Variants in GCNT1 observed in about 807,000 individuals in gnomAD.
The protein encoded by GCNT1 is beta-1,3-galactosyl-O-glycosyl-glycoprotein beta-1,6-N-acetylglucosaminyltransferase.
Under a neutral mutation model 26.2 loss-of-function variants are expected in GCNT1, and 16 were observed. The ratio of observed to expected loss-of-function variants is 0.61; its 90% CI spans 0.41 to 0.93. The LOEUF is 0.93. Among genes scored for constraint, GCNT1 ranks in the 40% least tolerant of loss-of-function variants. GCNT1 has a pLI of 0.00. For missense variants in GCNT1, 477 were observed against 526.7 expected, an observed-to-expected ratio of 0.91 and a Z score of 0.92; for synonymous variants, 183 against 190.8, an observed-to-expected ratio of 0.96 and a Z score of 0.34.
In GCNT1 at chr9:76,443,420, G is replaced by A. The variant is rs1293207575; in HGVS notation, c.-290+1105G>A. ...ACTAAAAGTATCCCTTATGGGAAAC[G>A]AAGGGATGGGCCGAATTAAAGGAAT... On this transcript the variant is annotated intron_variant, in intron 1 of 2. Transcript: ENST00000442371. Among the ~76,000 whole-genome samples the A allele has an allele frequency of 9.2e-5, 14 of 152,312 alleles. No individual in the cohort carries two copies. In the East Asian group the frequency reaches 1.9e-3, roughly 21 times the overall value.
At position 76,503,702 on chromosome 9, in the gene GCNT1, A is replaced by T; in HGVS notation, c.*34A>T. The T allele has an allele frequency of 6.6e-7, 1 of 1,520,782 alleles. No homozygotes were observed. The highest frequency in any genetic ancestry group is 1.1e-5 in the South Asian group (1 of 88,934). The allele number at this position is 1,520,782 out of a possible 1,614,324, so 94.2% of individuals were successfully genotyped here. ...GGCAATTTTATGAACAAGAAGAAGG[A>T]TACACAAAACGTACCCTTATCTGTT... On this transcript the variant is annotated 3_prime_UTR_variant, in exon 4 of 4. Coordinates refer to ENST00000376730, the MANE Select transcript of GCNT1 (RefSeq NM_001490.5).
At chr9:76,483,308 A>C (rs1420391396) in intron 2 of GCNT1, among the ~76,000 whole-genome samples, 1 of 152,056 alleles carries the variant, frequency 6.6e-6, no homozygotes, top group Non-Finnish European at 1.5e-5. Flanking sequence ...CTTTTTACAG[A>C]TTTCTTTAGG....
chr9:76,404,214 A>G, the GCNT1 span, among the ~76,000 whole-genome samples: 2 of 152,224 alleles, frequency 1.3e-5, no homozygotes, highest in Admixed American at 6.5e-5. Context: ...TTTGTCTTCA[A>G]AATTACTGGT....
At chr9:76,426,699 C>T (rs1823262418) in intron 1 of GCNT1, among the ~76,000 whole-genome samples, 1 of 152,132 alleles carries the variant, frequency 6.6e-6, no homozygotes, top group Middle Eastern at 3.2e-3. Flanking sequence ...AGTTTGAGAC[C>T]AGCCTGGCCA....
rs570032020 is a variant in GCNT1, at chr9:76,445,024, C to G, written c.-290+2709C>G. ...CCACCATACTTCAAATATTTACTATCTGGCCCTTTCCAGAAAAGGAAAGCT... is the reference window on the plus strand; with the variant it reads ...CCACCATACTTCAAATATTTACTATGTGGCCCTTTCCAGAAAAGGAAAGCT... On this transcript the variant is annotated intron_variant, in intron 1 of 2. Transcript: ENST00000442371. 2.0e-5 allele frequency among the ~76,000 whole-genome samples: 3 copies of G among 152,328 alleles called. No individual in the cohort carries two copies. In the South Asian group the frequency reaches 6.2e-4, roughly 32 times the overall value.
At chr9:76,489,237 G>A (rs1824663738) in intron 2 of GCNT1, among the ~76,000 whole-genome samples, 1 of 152,190 alleles carries the variant, frequency 6.6e-6, no homozygotes, top group African/African-American at 2.4e-5. Flanking sequence ...TGCCTTGATG[G>A]TGACATAGTA....
At chr9:76,477,332 C>A (rs1338302939) in intron 2 of GCNT1, among the ~76,000 whole-genome samples, 3 of 151,786 alleles carry the variant, frequency 2.0e-5, no homozygotes, top group Non-Finnish European at 2.9e-5. Flanking sequence ...TTGAGACCAG[C>A]CTTGCCAACA....
chr9:76,403,591 C>T, the GCNT1 span, among the ~76,000 whole-genome samples: 2 of 152,190 alleles, frequency 1.3e-5, no homozygotes, highest in Non-Finnish European at 2.9e-5. Flanking sequence ...AGGCCCTGTG[C>T]TAGACACGGG....
At chr9:76,437,938 C>A (rs186700711), upstream of GCNT1, among the ~76,000 whole-genome samples, 1 of 152,340 alleles carries the variant, frequency 6.6e-6, no homozygotes, top group Non-Finnish European at 1.5e-5. Flanking sequence ...TTGATTGTAT[C>A]TATTTTCCTT....
chr9:76,417,649 G>A (rs1587401329), upstream of GCNT1, among the ~76,000 whole-genome samples: 2 of 152,288 alleles, frequency 1.3e-5, no homozygotes, highest in Admixed American at 6.5e-5. Context: ...GGTGGGTGGG[G>A]GAGCCAAAGG....
chr9:76,492,153 T>C (rs1021783379), intron 2 of GCNT1, among the ~76,000 whole-genome samples: 6 of 152,196 alleles, frequency 3.9e-5, no homozygotes, highest in Admixed American at 1.3e-4. Flanking sequence ...AGTTTTGTCC[T>C]GTGGGAAGGC....
intron 1 of GCNT1, among the ~76,000 whole-genome samples, chr9:76,442,571 CTT>C (rs1052021736): frequency 2.0e-5 from 3 of 152,084 alleles, no homozygotes; most frequent in Admixed American, 1.3e-4. Flanking sequence ...ATCCCAGCTA[CTT>C]GGGAGGCTGA....
intron 2 of GCNT1, among the ~76,000 whole-genome samples, chr9:76,460,417 A>G (rs1346386557): frequency 2.6e-5 from 4 of 152,176 alleles, no homozygotes; most frequent in Admixed American, 2.0e-4. Context: ...GTGGTCTGGA[A>G]GTTGTCTCTT....
the GCNT1 span, among the ~76,000 whole-genome samples, chr9:76,397,152 A>G: frequency 6.6e-6 from 1 of 152,116 alleles, no homozygotes; most frequent in Non-Finnish European, 1.5e-5. Context: ...CATGGCAGTG[A>G]ATGCCAGTAA....
the GCNT1 span, among the ~76,000 whole-genome samples, chr9:76,409,092 T>C: frequency 9.2e-5 from 14 of 152,194 alleles, no homozygotes; most frequent in African/African-American, 3.4e-4. Flanking sequence ...CTGGTGTTTT[T>C]TGTTTTCGAA....
At chr9:76,482,637 C>T (rs1004839830) in intron 2 of GCNT1, among the ~76,000 whole-genome samples, 1 of 151,592 alleles carries the variant, frequency 6.6e-6, no homozygotes, top group East Asian at 1.9e-4. Flanking sequence ...AAAAAAAGAA[C>T]TGGTAAAATC....
intron 1 of GCNT1, among the ~76,000 whole-genome samples, chr9:76,452,884 C>A (rs1442012496): frequency 6.6e-6 from 1 of 152,172 alleles, no homozygotes; most frequent in Non-Finnish European, 1.5e-5. Context: ...AATCTTCAAT[C>A]TAAGGAGCTT....
intron 1 of GCNT1, among the ~76,000 whole-genome samples, chr9:76,449,875 C>A (rs1318070086): frequency 2.6e-5 from 4 of 151,190 alleles, no homozygotes; most frequent in Admixed American, 2.0e-4. Flanking sequence ...CCTCTGCCTC[C>A]TGGGCTCAAG....
chr9:76,490,121 C>T (rs530024450), intron 2 of GCNT1, among the ~76,000 whole-genome samples: 8 of 152,050 alleles, frequency 5.3e-5, no homozygotes, highest in African/African-American at 1.4e-4. Flanking sequence ...GTTTGAAAGG[C>T]GTTGTCTGAT....
Sources: allele counts gnomAD v4.1 joint callset (sites outside exome capture counted in the v4.1 genomes callset), GRCh38; gene constraint gnomAD v4.1.1; transcripts MANE v1.5; gene names NCBI Gene and HGNC (gene_info 2026-07-23, HGNC 2026-07-21).